FLACC1: variants seen among roughly 807,000 people sequenced by gnomAD.
The protein encoded by FLACC1 is flagellum associated containing coiled-coil domains 1, also known as flagellum-associated coiled-coil domain-containing protein 1.
In FLACC1, 66 loss-of-function variants were observed where a neutral mutation model predicts 62.8. That is an observed-to-expected ratio of 1.05 (90% CI 0.86 to 1.29). The LOEUF is 1.29. Among genes scored for constraint, FLACC1 ranks in the 50% most tolerant of loss-of-function variants. The probability of loss-of-function intolerance (pLI) is 0.00; values close to 1 mark genes in which losing one functional copy is unlikely to be tolerated. For missense variants in FLACC1, 452 were observed against 489.1 expected, an observed-to-expected ratio of 0.92 and a Z score of 0.71; for synonymous variants, 156 against 161.0, an observed-to-expected ratio of 0.97 and a Z score of 0.24.
intron 9 of FLACC1, among the ~76,000 whole-genome samples, chr2:201,324,986 G>T (rs2125586206): frequency 6.6e-6 from 1 of 152,132 alleles, no homozygotes. Context: ...AAATTAGCTG[G>T]GTGTGGTAAC....
In FLACC1 at chr2:201,288,564, T is replaced by C. The variant is rs926191919; in HGVS notation, c.*91A>G. On this transcript the variant is annotated 3_prime_UTR_variant, in exon 15 of 15. Transcript: ENST00000392257. ...CAACCCAAGAACTAAACTCATTATA[T>C]GCATTTTCTCAAGAAAACCCTCCCA... The C allele has an allele frequency of 6.8e-7, 1 of 1,479,894 alleles. No individual in the cohort carries two copies. Among genetic ancestry groups the C allele is most frequent in the South Asian group, 1.3e-5 (1 of 78,490 alleles). 91.7% of individuals were successfully genotyped at this position (1,479,894 alleles called of 1,614,324 possible). A position where few individuals can be genotyped will look rare whatever the true frequency, so the allele number is the denominator to read the frequency against.
chr2:201,313,973 C>T (rs1950264397), intron 9 of FLACC1, among the ~76,000 whole-genome samples: 1 of 152,190 alleles, frequency 6.6e-6, no homozygotes. Flanking sequence ...ACAATCACTA[C>T]AGCTTGGGCT....
Position 201,342,427 on chromosome 2 carries a change from G to A in FLACC1, c.467C>T (p.Ser156Phe), listed in dbSNP as rs774329543. The A allele has an allele frequency of 6.2e-7, 1 of 1,614,188 alleles. No individual in the cohort carries two copies. Among genetic ancestry groups the A allele is most frequent in the Admixed American group, 1.7e-5 (1 of 60,028 alleles). ...AGCACAGCGGAGATCCATTTCACTG[G>A]AGAGCTGGAAACAAAATCAGCATCT... Reference protein sequence around the residue: ...RDHQSAQKLLSSEMDLRCAEM... With the variant: ...RDHQSAQKLLFSEMDLRCAEM... Residue 156 changes from serine to phenylalanine, a missense_variant, in exon 7 of 15, where the codon TCC (serine) becomes TTC (phenylalanine). Transcript: ENST00000392257.
chr2:201,347,565 G>C (rs540855585), intron 4 of FLACC1, among the ~76,000 whole-genome samples: 1 of 151,688 alleles, frequency 6.6e-6, no homozygotes, highest in East Asian at 1.9e-4. Flanking sequence ...ATAAATAATA[G>C]GTGGTCAATA....
chr2:201,306,237 G>C (rs1950104038), intron 11 of FLACC1, among the ~76,000 whole-genome samples: 1 of 152,064 alleles, frequency 6.6e-6, no homozygotes, highest in Admixed American at 6.6e-5. Flanking sequence ...ACAAAAGAAA[G>C]AGAGAGAAGG....
chr2:201,328,801 G>A (rs1950541691), intron 9 of FLACC1, among the ~76,000 whole-genome samples: 1 of 152,040 alleles, frequency 6.6e-6, no homozygotes, highest in African/African-American at 2.4e-5. Context: ...GTTAAAAATG[G>A]GCTGAAAACC....
At chr2:201,332,948 C>T (rs1411350772) in intron 7 of FLACC1, among the ~76,000 whole-genome samples, 1 of 152,182 alleles carries the variant, frequency 6.6e-6, no homozygotes. Flanking sequence ...TTTTCTTTAT[C>T]CATTGATCAA....
intron 12 of FLACC1, among the ~76,000 whole-genome samples, chr2:201,298,501 G>A (rs1949911752): frequency 6.6e-6 from 1 of 152,134 alleles, no homozygotes; most frequent in Non-Finnish European, 1.5e-5. Context: ...TGACACAAAT[G>A]ACAGAATTCG....
chr2:201,293,418 G>C (rs942094700), intron 12 of FLACC1, among the ~76,000 whole-genome samples: 2 of 152,178 alleles, frequency 1.3e-5, no homozygotes, highest in Non-Finnish European at 2.9e-5. Flanking sequence ...GCTCCTGAAT[G>C]ACTACTGGGT....
intron 9 of FLACC1, among the ~76,000 whole-genome samples, chr2:201,318,290 G>A (rs1950339853): frequency 6.6e-6 from 1 of 152,146 alleles, no homozygotes; most frequent in African/African-American, 2.4e-5. Flanking sequence ...AAAAAGAACA[G>A]TCATCAGAGC....
Position 201,326,405 on chromosome 2 carries a change from G to T in FLACC1, c.675+4065C>A, listed in dbSNP as rs987543842. ...ATTGCTGTTTGAAGATTATATAATT[G>T]TATACCTAGAAAATCCTAAAGACTC... On this transcript the variant is annotated intron_variant, in intron 9 of 14. Transcript: ENST00000392257. This position sits in a 1 kb window ranked among gnomAD's most constrained non-coding sequence, Gnocchi z 4.1. 1.3e-5 allele frequency among the ~76,000 whole-genome samples: 2 copies of T among 152,120 alleles called. No individual in the cohort carries two copies. The highest frequency in any genetic ancestry group is 4.8e-5 in the African/African-American group (2 of 41,424).
At chr2:201,327,411 A>T (rs775932376) in intron 9 of FLACC1, among the ~76,000 whole-genome samples, 16 of 152,220 alleles carry the variant, frequency 1.1e-4, no homozygotes, top group Non-Finnish European at 2.1e-4. Flanking sequence ...CAAACTATGC[A>T]TCTGACAAAG....
At chr2:201,331,956 C>CA (rs2125595020) in intron 7 of FLACC1, among the ~76,000 whole-genome samples, 2 of 152,134 alleles carry the variant, frequency 1.3e-5, no homozygotes, top group East Asian at 3.9e-4. Flanking sequence ...TGTGAGGGGG[C>CA]AGTAAGTATA....
At chr2:201,293,860 A>G (rs1290059858) in intron 12 of FLACC1, among the ~76,000 whole-genome samples, 9 of 152,306 alleles carry the variant, frequency 5.9e-5, no homozygotes, top group Non-Finnish European at 1.2e-4. Context: ...ATCCCACAGA[A>G]CTACAAACTA....
At chr2:201,334,579 C>T (rs369085211) in intron 7 of FLACC1, among the ~76,000 whole-genome samples, 18 of 151,950 alleles carry the variant, frequency 1.2e-4, no homozygotes, top group East Asian at 5.8e-4. Context: ...AGGTTGGGAG[C>T]TCAAGACCAG....
intron 5 of FLACC1, among the ~76,000 whole-genome samples, chr2:201,345,327 G>A (rs1307001127): frequency 1.3e-5 from 2 of 152,160 alleles, no homozygotes; most frequent in East Asian, 1.9e-4. Context: ...AGACTCCATG[G>A]CATGGCCTCA....
chr2:201,296,105 G>A (rs569809416), intron 12 of FLACC1, among the ~76,000 whole-genome samples: 2 of 152,108 alleles, frequency 1.3e-5, no homozygotes, highest in Non-Finnish European at 2.9e-5. Flanking sequence ...TCAGTGTGGC[G>A]ATTCCTCAGG....
chr2:201,353,619 A>G (rs575733619), intron 1 of FLACC1, among the ~76,000 whole-genome samples: 2 of 151,398 alleles, frequency 1.3e-5, no homozygotes, highest in African/African-American at 4.9e-5. Flanking sequence ...TCAGAGTCTC[A>G]CTCTGTCACC....
intron 6 of FLACC1, among the ~76,000 whole-genome samples, chr2:201,343,329 T>C (rs150155557): frequency 2.2e-3 from 332 of 152,360 alleles, no homozygotes; most frequent in African/African-American, 7.5e-3. Context: ...AGAGATTGTA[T>C]GCAAATTGTT....
Sources: allele counts gnomAD v4.1 joint callset (sites outside exome capture counted in the v4.1 genomes callset), GRCh38; gene constraint gnomAD v4.1.1; non-coding constraint Gnocchi (gnomAD v3.1); transcripts MANE v1.5; gene names NCBI Gene and HGNC (gene_info 2026-07-23, HGNC 2026-07-21).